SYNRG: variants seen among roughly 807,000 people sequenced by gnomAD.
The protein encoded by SYNRG is AP1 gamma subunit binding protein 1.
In SYNRG, 37 loss-of-function variants were observed where a neutral mutation model predicts 130.9. The observed-to-expected ratio is 0.28, with a 90% CI of 0.22 to 0.37. The LOEUF (loss-of-function observed/expected upper bound fraction) is 0.37. Ranked by LOEUF, SYNRG falls within the 10% of genes least tolerant of loss-of-function variation. The probability of loss-of-function intolerance (pLI) is 1.00; values close to 1 mark genes in which losing one functional copy is unlikely to be tolerated. For synonymous variants in SYNRG, 539 were observed against 568.1 expected (o/e 0.95, Z 0.73); for missense variants, 1,338 against 1,588.9 (o/e 0.84, Z 2.68).
intron 13 of SYNRG, among the ~76,000 whole-genome samples, chr17:37,560,732 A>G (rs1278196142): frequency 6.6e-6 from 1 of 151,268 alleles, no homozygotes; most frequent in African/African-American, 2.4e-5. Flanking sequence ...CAGTGGCACA[A>G]TCTCAGCTCA....
intron 15 of SYNRG, chr17:37,541,665 C>G (rs2057775570): frequency 2.4e-6 from 1 of 420,922 alleles, no homozygotes; most frequent in African/African-American, 2.0e-5. Context: ...GCTAATGTGC[C>G]TACAAGTGGC....
intron 13 of SYNRG, 38 bp from the exon 14 acceptor site, chr17:37,554,097 G>GAACT (rs1486704397): frequency 6.4e-7 from 1 of 1,565,010 alleles, no homozygotes; most frequent in African/African-American, 1.4e-5. Flanking sequence ...TGGGAATGCT[G>GAACT]AACTGAAAAC....
chr17:37,544,334 G>A (rs2058067810), intron 14 of SYNRG, among the ~76,000 whole-genome samples: 1 of 150,610 alleles, frequency 6.6e-6, no homozygotes, highest in South Asian at 2.1e-4. Context: ...GATTTTTTGA[G>A]ATGGAGTTTC....
chr17:37,571,987 T>A lies in SYNRG; in HGVS notation c.902A>T (p.Asp301Val). ...PWIYNESLVPDAYKKILETTM... is the reference protein window; with the variant it reads ...PWIYNESLVPVAYKKILETTM... ...GGTTTCTAAGATTTTCTTATAGGCA[T>A]CTATTAAAGGAAAGACCAGATTACA... The change falls in exon 9 of 22, where the codon GAT (aspartate) becomes GTT (valine). Residue 301 changes from aspartate (D) to valine (V), a missense_variant and splice_region_variant. Around this residue, in one of 3 missense-constraint regions of SYNRG, gnomAD observed 1,146 missense variants for 1,342.3 expected, o/e 0.85. Coordinates refer to ENST00000612223, the MANE Select transcript of SYNRG (RefSeq NM_007247.6). 6.2e-7 allele frequency: 1 copy of A among 1,609,632 alleles called. No homozygotes were observed. The highest frequency in any genetic ancestry group is 8.5e-7 in the Non-Finnish European group (1 of 1,178,398).
Position 37,561,513 on chromosome 17 carries a change from T to C in SYNRG, c.1558A>G (p.Ile520Val). 6.2e-7 allele frequency: 1 copy of C among 1,613,890 alleles called. No individual in the cohort carries two copies. Among genetic ancestry groups the C allele is most frequent in the South Asian group, 1.1e-5 (1 of 91,078 alleles). ...SMDKYAVFKG[I>V]AADKSSENTV... ...TTTTCAGAGGACTTGTCAGCTGCAA[T>C]TCCTTTAAACACAGCATATTTGTCC... Residue 520 changes from isoleucine (I) to valine (V), a missense_variant, in exon 12 of 22, where the codon ATT becomes GTT. Physicochemically the swap from Ile to Val is conservative, Grantham distance 29. Transcript: ENST00000612223.
At chr17:37,539,551 G>A (rs999521401) in intron 16 of SYNRG, among the ~76,000 whole-genome samples, 13 of 151,936 alleles carry the variant, frequency 8.6e-5, no homozygotes, top group Non-Finnish European at 1.9e-4. Context: ...TTGTATTTTT[G>A]GTAGAGGTGG....
chr17:37,526,920 C>T (rs1384357700), intron 19 of SYNRG, among the ~76,000 whole-genome samples: 2 of 152,204 alleles, frequency 1.3e-5, no homozygotes, highest in Non-Finnish European at 2.9e-5. Context: ...GGCCATCATT[C>T]TGTCTACCAC....
At position 37,519,149 on chromosome 17, in the gene SYNRG, A is replaced by G. The variant is rs1268388214; in HGVS notation, c.3814-78T>C. On this transcript the variant is annotated intron_variant, in intron 21 of 21. Coordinates refer to ENST00000612223, the MANE Select transcript of SYNRG (RefSeq NM_007247.6). Reference sequence around the variant, plus strand: ...GAGCTTTTCAGCAACCAACATGTACATCTATCTCTCCAGGTCACAGAGGCT... The same window carrying G: ...GAGCTTTTCAGCAACCAACATGTACGTCTATCTCTCCAGGTCACAGAGGCT... 3.2e-6 allele frequency: 5 copies of G among 1,566,400 alleles called. No homozygotes were observed. The African/African-American group carries it at 6.8e-5, about 21-fold the overall frequency.
chr17:37,606,109 T>A (rs1239242746), intron 1 of SYNRG: 1 of 718,058 alleles, frequency 1.4e-6, no homozygotes, highest in East Asian at 1.3e-4. Context: ...CTCAAGGCCC[T>A]CTCTAGTTTG....
At chr17:37,543,600 C>T (rs2057986313) in intron 14 of SYNRG, among the ~76,000 whole-genome samples, 1 of 152,154 alleles carries the variant, frequency 6.6e-6, no homozygotes, top group South Asian at 2.1e-4. Flanking sequence ...GACCATCAAC[C>T]ATGATCATGT....
intron 1 of SYNRG, among the ~76,000 whole-genome samples, chr17:37,607,606 T>G (rs957384951): frequency 1.3e-5 from 2 of 152,124 alleles, no homozygotes; most frequent in Admixed American, 6.5e-5. Context: ...CTGGCTAACA[T>G]GGTGAAACCC....
intron 18 of SYNRG, among the ~76,000 whole-genome samples, chr17:37,537,678 T>C (rs769711524): frequency 2.0e-5 from 3 of 151,726 alleles, no homozygotes; most frequent in Non-Finnish European, 4.4e-5. Context: ...TGTAAGAAAT[T>C]AAAGGTAATA....
At chr17:37,593,934 A>G (rs970680032) in intron 3 of SYNRG, among the ~76,000 whole-genome samples, 3 of 151,976 alleles carry the variant, frequency 2.0e-5, no homozygotes, top group African/African-American at 7.2e-5. Flanking sequence ...GCCTGTCAGC[A>G]AGATTAAAGG....
chr17:37,552,133 G>A (rs1318203246), intron 14 of SYNRG, among the ~76,000 whole-genome samples: 1 of 152,152 alleles, frequency 6.6e-6, no homozygotes, highest in Non-Finnish European at 1.5e-5. Context: ...GCCTGAATCT[G>A]TAAACTTGGA....
At chr17:37,542,589 A>G (rs772237984) in intron 14 of SYNRG, 24 bp from the exon 15 acceptor site, 7 of 1,580,384 alleles carry the variant, frequency 4.4e-6, no homozygotes, top group Admixed American at 1.8e-5. Flanking sequence ...AAGACCCCAC[A>G]ATTAGAGGCA....
intron 1 of SYNRG, chr17:37,605,920 C>T (rs1156560464): frequency 2.0e-6 from 2 of 985,264 alleles, no homozygotes; most frequent in African/African-American, 3.5e-5. Context: ...TAAAGACTTC[C>T]TAATGGATCT....
intron 11 of SYNRG, among the ~76,000 whole-genome samples, chr17:37,564,615 T>C (rs1304938086): frequency 6.6e-6 from 1 of 152,248 alleles, no homozygotes; most frequent in African/African-American, 2.4e-5. Flanking sequence ...CCTAAAACCT[T>C]ACTTGCCCTT....
chr17:37,573,112 A>G (rs377167638), intron 8 of SYNRG, among the ~76,000 whole-genome samples: 5 of 152,192 alleles, frequency 3.3e-5, no homozygotes, highest in East Asian at 3.8e-4. Context: ...CCATAAGAAC[A>G]CATATTTTTG....
At chr17:37,554,192 T>G (rs2058927278) in intron 13 of SYNRG, 133 bp from the exon 14 acceptor site, 1 of 761,340 alleles carries the variant, frequency 1.3e-6, no homozygotes, top group Non-Finnish European at 2.0e-6. Context: ...AATGTTTACA[T>G]ACTTTAAACC....
Sources: allele counts gnomAD v4.1 joint callset (sites outside exome capture counted in the v4.1 genomes callset), GRCh38; gene constraint gnomAD v4.1.1; regional missense constraint gnomAD v4.1.1; transcripts MANE v1.5; gene names NCBI Gene and HGNC (gene_info 2026-07-23, HGNC 2026-07-21).